The following FAM171A1 variants were observed in gnomAD, a reference collection of about 807,000 sequenced individuals.
FAM171A1 encodes family with sequence similarity 171 member A1.
Under a neutral mutation model 74.9 loss-of-function variants are expected in FAM171A1, and 23 were observed. The ratio of observed to expected loss-of-function variants is 0.31; its 90% CI spans 0.22 to 0.44. The LOEUF (loss-of-function observed/expected upper bound fraction) is 0.44, where lower values mean the gene tolerates loss of function less well. Ranked by LOEUF, FAM171A1 falls within the 20% of genes least tolerant of loss-of-function variation. The pLI, the probability that FAM171A1 is intolerant of heterozygous loss-of-function variation, is 1.00. For synonymous variants in FAM171A1, 527 were observed against 505.7 expected, an observed-to-expected ratio of 1.04 and a Z score of -0.57; for missense variants, 1,162 against 1,159.2, an observed-to-expected ratio of 1.00 and a Z score of -0.03.
chr10:15,311,022 AGGGCTGCTGGAAGGAT>A (rs1835354132), intron 1 of FAM171A1, among the ~76,000 whole-genome samples: 1 of 152,242 alleles, frequency 6.6e-6, no homozygotes, highest in South Asian at 2.1e-4. Flanking sequence ...CAGGGGACCT[AGGGCTGCTGGAAGGAT>A]GGGCTGCTGG....
chr10:15,215,899 TA>T (rs200431633), intron 7 of FAM171A1, 96 bp downstream of exon 7: 1,351 of 646,852 alleles, frequency 2.1e-3, no homozygotes, highest in Middle Eastern at 3.1e-3. Context: ...TTAGAAAAAT[TA>T]AAAAAAAAAC....
chr10:15,302,357 TG>T (rs1197885400), intron 1 of FAM171A1, among the ~76,000 whole-genome samples: 1 of 151,896 alleles, frequency 6.6e-6, no homozygotes, highest in Non-Finnish European at 1.5e-5. Flanking sequence ...CCCATCTACT[TG>T]GGATGCTGAG....
chr10:15,266,512 G>A (rs546848101), intron 3 of FAM171A1, among the ~76,000 whole-genome samples: 4 of 152,194 alleles, frequency 2.6e-5, no homozygotes, highest in Admixed American at 2.6e-4. Flanking sequence ...GAGGTGGAAA[G>A]CCCCAGGTGG....
chr10:15,283,929 T>G lies in FAM171A1; in HGVS notation c.274A>C (p.Lys92Gln). The change falls in exon 2 of 8, where the codon AAG becomes CAG. Residue 92 changes from lysine (K) to glutamine (Q), a missense_variant. Coordinates refer to ENST00000378116, the MANE Select transcript of FAM171A1 (RefSeq NM_001010924.2). ...LGSQLIVTAS[K>Q]HAYVPNSAPW... ...GCAGAGTTTGGCACGTAGGCATGCTTCGAGGCGGTGACAATCAACTGACTG... is the reference window on the plus strand; with the variant it reads ...GCAGAGTTTGGCACGTAGGCATGCTGCGAGGCGGTGACAATCAACTGACTG... The G allele has an allele frequency of 6.2e-7, 1 of 1,614,118 alleles. No individual in the cohort carries two copies. Among genetic ancestry groups the G allele is most frequent in the Non-Finnish European group, 8.5e-7 (1 of 1,180,008 alleles).
At chr10:15,346,061 C>A (rs999141140) in intron 1 of FAM171A1, among the ~76,000 whole-genome samples, 4 of 152,134 alleles carry the variant, frequency 2.6e-5, no homozygotes, top group African/African-American at 9.7e-5. Context: ...AATGAAGGAA[C>A]AGGTGGAGGG....
At chr10:15,355,430 G>T (rs1208757554) in intron 1 of FAM171A1, among the ~76,000 whole-genome samples, 1 of 152,124 alleles carries the variant, frequency 6.6e-6, no homozygotes, top group East Asian at 1.9e-4. Flanking sequence ...ATGTACTTGG[G>T]TTTCCTTCCA....
chr10:15,305,482 G>C (rs1028481677), intron 1 of FAM171A1, among the ~76,000 whole-genome samples: 1 of 151,926 alleles, frequency 6.6e-6, no homozygotes, highest in African/African-American at 2.4e-5. Flanking sequence ...TTCAAGACCA[G>C]CCTGGGTGAG....
chr10:15,222,105 C>T (rs994127208), intron 5 of FAM171A1, among the ~76,000 whole-genome samples: 3 of 152,080 alleles, frequency 2.0e-5, no homozygotes, highest in South Asian at 4.1e-4. Flanking sequence ...AGACAGCCCG[C>T]GCACCCACTC....
chr10:15,265,383 G>A (rs1339523957), intron 3 of FAM171A1, among the ~76,000 whole-genome samples: 1 of 151,814 alleles, frequency 6.6e-6, no homozygotes, highest in Non-Finnish European at 1.5e-5. Flanking sequence ...GGAGTCCAGG[G>A]TAGGAGGATC....
At chr10:15,317,087 G>GAA (rs1260389725) in intron 1 of FAM171A1, among the ~76,000 whole-genome samples, 2 of 151,958 alleles carry the variant, frequency 1.3e-5, no homozygotes, top group Non-Finnish European at 2.9e-5. Context: ...AGTTGTATAG[G>GAA]AAAAAAATAT....
intron 2 of FAM171A1, among the ~76,000 whole-genome samples, chr10:15,276,612 G>A (rs1834898323): frequency 6.6e-6 from 1 of 152,166 alleles, no homozygotes; most frequent in Non-Finnish European, 1.5e-5. Flanking sequence ...TACGTGTCTA[G>A]GTTAATGTGT....
chr10:15,233,866 C>T (rs1275242774), intron 5 of FAM171A1, among the ~76,000 whole-genome samples: 1 of 147,360 alleles, frequency 6.8e-6, no homozygotes, highest in Non-Finnish European at 1.5e-5. Context: ...AGTGCCACTG[C>T]ACTCCAGCCT....
At chr10:15,274,855 A>G (rs1367892507) in intron 3 of FAM171A1, among the ~76,000 whole-genome samples, 1 of 152,212 alleles carries the variant, frequency 6.6e-6, no homozygotes, top group African/African-American at 2.4e-5. Context: ...ACCAACCCAA[A>G]TGTCCATCAA....
At position 15,324,968 on chromosome 10, in the gene FAM171A1, T is replaced by C. The variant is rs1835533485; in HGVS notation, c.98-40863A>G. Among the ~76,000 whole-genome samples the C allele has an allele frequency of 2.6e-5, 4 of 152,228 alleles. No homozygotes were observed. In the South Asian group the frequency reaches 8.3e-4, roughly 32 times the overall value. On this transcript the variant is annotated intron_variant, in intron 1 of 7. Transcript: ENST00000378116. ...CCGCATCTGAGGATTCCCAACAAAATGGAAAAGGCAAGGTGAGTGACAAGA... is the reference window on the plus strand; with the variant it reads ...CCGCATCTGAGGATTCCCAACAAAACGGAAAAGGCAAGGTGAGTGACAAGA...
In FAM171A1 at chr10:15,304,745, T is replaced by C. The variant is rs530112046; in HGVS notation, c.98-20640A>G. Among the ~76,000 whole-genome samples, 4 of 152,282 alleles carry C rather than the reference T, an allele frequency of 2.6e-5. No individual in the cohort carries two copies. In the East Asian group the frequency reaches 7.7e-4, roughly 29 times the overall value. On this transcript the variant is annotated intron_variant, in intron 1 of 7. Coordinates refer to ENST00000378116, the MANE Select transcript of FAM171A1 (RefSeq NM_001010924.2). ...CCCTCCCTCTCTCCCTCTCTCTCTG[T>C]CTTTTTCTCTCTTCAGAGTCTCGCT...
intron 3 of FAM171A1, among the ~76,000 whole-genome samples, chr10:15,261,020 C>T (rs1370959050): frequency 2.0e-5 from 3 of 152,134 alleles, no homozygotes; most frequent in Admixed American, 6.5e-5. Context: ...TGTTTGTATT[C>T]ACGGAACTCA....
chr10:15,269,204 C>G (rs1834789674), intron 3 of FAM171A1, among the ~76,000 whole-genome samples: 1 of 152,156 alleles, frequency 6.6e-6, no homozygotes, highest in Admixed American at 6.6e-5. Flanking sequence ...GCCTCGACCT[C>G]CTGGGCTCAA....
chr10:15,249,104 T>C (rs1834475367), intron 4 of FAM171A1, among the ~76,000 whole-genome samples: 1 of 146,938 alleles, frequency 6.8e-6, no homozygotes, highest in African/African-American at 2.6e-5. Flanking sequence ...TTTTCTTTTT[T>C]TTTTTTTTTT....
rs1834887018 is a variant in FAM171A1 at position 15,275,898 on chromosome 10, T to C, written c.375A>G (p.Leu125=). 3.1e-6 allele frequency: 5 copies of C among 1,613,026 alleles called. No individual in the cohort carries two copies. Among genetic ancestry groups the C allele is most frequent in the Middle Eastern group, 1.7e-4 (1 of 6,056 alleles). ...TTTGGACGACATCTTCATATACCAT[T>C]AGAGTGGCAGAGCGTTCTGGAAGCA... ...LGLLPERSAT[L]MVYEDVVQIV... Residue 125 remains leucine, a synonymous_variant, in exon 3 of 8, where the codon CTA becomes CTG. Coordinates refer to ENST00000378116, the MANE Select transcript of FAM171A1 (RefSeq NM_001010924.2).
Sources: gnomAD v4.1 joint callset for allele counts (sites outside exome capture counted in the v4.1 genomes callset) on GRCh38, gnomAD v4.1.1 for gene constraint, MANE v1.5 for transcripts, NCBI Gene and HGNC (gene_info 2026-07-23, HGNC 2026-07-21) for gene names.